Variants in EIPR1 observed in about 807,000 individuals in gnomAD.
The protein encoded by EIPR1 is EARP complex and GARP complex interacting protein 1.
A neutral mutation model predicts 48.1 loss-of-function variants in EIPR1; 25 were observed. The ratio of observed to expected loss-of-function variants is 0.52; its 90% CI spans 0.38 to 0.73. The LOEUF is 0.73. Among genes scored for constraint, EIPR1 ranks in the 30% least tolerant of loss-of-function variants. The probability of loss-of-function intolerance (pLI) is 0.00; values close to 1 mark genes in which losing one functional copy is unlikely to be tolerated. For missense variants in EIPR1, 415 were observed against 506.2 expected (o/e 0.82, Z 1.73); for synonymous variants, 204 against 201.9 (o/e 1.01, Z -0.09).
At chr2:3,309,044 A>T (rs1669041435) in intron 3 of EIPR1, among the ~76,000 whole-genome samples, 1 of 152,248 alleles carries the variant, frequency 6.6e-6, no homozygotes, top group South Asian at 2.1e-4. Context: ...GAACTTCTGA[A>T]AGAAAAGAAC....
intron 1 of EIPR1, among the ~76,000 whole-genome samples, chr2:3,358,787 C>CA (rs1670791630): frequency 6.6e-6 from 1 of 152,210 alleles, no homozygotes; most frequent in Admixed American, 6.5e-5. Flanking sequence ...GGCTGAGCCC[C>CA]AGGTCAGGAG....
intron 4 of EIPR1, among the ~76,000 whole-genome samples, chr2:3,247,056 G>GGAGGGAGA: frequency 3.6e-5 from 1 of 27,516 alleles, no homozygotes; most frequent in Non-Finnish European, 6.9e-5. Context: ...AGGGAGAGAG[G>GGAGGGAGA]GAGGGAGAGA....
chr2:3,375,402 A>G (rs1453589696), intron 1 of EIPR1, among the ~76,000 whole-genome samples: 1 of 152,056 alleles, frequency 6.6e-6, no homozygotes, highest in Non-Finnish European at 1.5e-5. Flanking sequence ...AAAAAAAGAG[A>G]GAAAAAAAAG....
intron 5 of EIPR1, among the ~76,000 whole-genome samples, chr2:3,199,287 C>T (rs747659492): frequency 6.6e-6 from 1 of 152,132 alleles, no homozygotes; most frequent in East Asian, 1.9e-4. Context: ...ATTGTTCAAA[C>T]ACACATGCTT....
intron 3 of EIPR1, among the ~76,000 whole-genome samples, chr2:3,274,633 G>A (rs57267237): frequency 6.6e-6 from 1 of 150,388 alleles, no homozygotes; most frequent in African/African-American, 2.4e-5. Flanking sequence ...TCTCAAATTC[G>A]AAGTTAAAAA....
At chr2:3,246,797 G>GAGGC (rs1467825552) in intron 4 of EIPR1, among the ~76,000 whole-genome samples, 1 of 85,734 alleles carries the variant, frequency 1.2e-5, no homozygotes, top group Non-Finnish European at 2.3e-5. Flanking sequence ...CGGAGGGAGG[G>GAGGC]AGGGAGGCAG....
At chr2:3,288,943 C>T (rs1192054826) in intron 3 of EIPR1, among the ~76,000 whole-genome samples, 1 of 152,228 alleles carries the variant, frequency 6.6e-6, no homozygotes, top group Admixed American at 6.5e-5. Flanking sequence ...GCCACAGGCC[C>T]CCAGCGGAGC....
At chr2:3,237,006 G>A (rs985707815) in intron 4 of EIPR1, among the ~76,000 whole-genome samples, 4 of 152,142 alleles carry the variant, frequency 2.6e-5, no homozygotes, top group Admixed American at 1.3e-4. Context: ...AAACAAAGCC[G>A]GGTGGCTGTG....
chr2:3,277,591 C>T (rs1263083128), intron 3 of EIPR1, among the ~76,000 whole-genome samples: 1 of 152,198 alleles, frequency 6.6e-6, no homozygotes, highest in Non-Finnish European at 1.5e-5. Context: ...GGAACTACTC[C>T]CCGGGGTGTT....
intron 3 of EIPR1, among the ~76,000 whole-genome samples, chr2:3,277,685 C>A (rs978532207): frequency 6.6e-6 from 1 of 152,214 alleles, no homozygotes. Context: ...GAGCCCGGGG[C>A]ATGAGTGGGG....
chr2:3,249,567 T>C (rs1474124293), intron 4 of EIPR1, among the ~76,000 whole-genome samples: 1 of 152,048 alleles, frequency 6.6e-6, no homozygotes, highest in Non-Finnish European at 1.5e-5. Flanking sequence ...GCAAAGAGGA[T>C]TTTCAGGGGA....
intron 3 of EIPR1, among the ~76,000 whole-genome samples, chr2:3,295,407 C>CA (rs1668530614): frequency 7.1e-6 from 1 of 140,782 alleles, no homozygotes; most frequent in Non-Finnish European, 1.5e-5. Flanking sequence ...TACACACACA[C>CA]CCTCCATCCA....
chr2:3,258,959 G>A (rs938681925), intron 3 of EIPR1, among the ~76,000 whole-genome samples: 4 of 151,880 alleles, frequency 2.6e-5, no homozygotes, highest in Non-Finnish European at 2.9e-5. Flanking sequence ...GAAATTTTCA[G>A]TTACACGATC....
intron 5 of EIPR1, chr2:3,208,488 C>T (rs1247757638): frequency 2.6e-6 from 4 of 1,520,094 alleles, no homozygotes; most frequent in Non-Finnish European, 3.5e-6. Context: ...TGGGAGGGGG[C>T]CCAATTATAT....
At chr2:3,231,866 G>A (rs770934880) in intron 4 of EIPR1, among the ~76,000 whole-genome samples, 46 of 152,304 alleles carry the variant, frequency 3.0e-4, no homozygotes, top group Admixed American at 9.2e-4. Context: ...GTTTGGAAGT[G>A]TTCCCTCTTC....
At chr2:3,336,697 G>T (rs915835683) in intron 3 of EIPR1, among the ~76,000 whole-genome samples, 11 of 151,816 alleles carry the variant, frequency 7.2e-5, no homozygotes, top group African/African-American at 2.7e-4. Flanking sequence ...GAACCTGGGA[G>T]GCAGAGGTTG....
intron 3 of EIPR1, among the ~76,000 whole-genome samples, chr2:3,269,752 C>T (rs1030018420): frequency 3.3e-5 from 5 of 152,218 alleles, no homozygotes; most frequent in Admixed American, 2.6e-4. Flanking sequence ...TCAGTCATTG[C>T]GTGGAAATCT....
At chr2:3,317,764 A>C (rs1669356626) in intron 3 of EIPR1, among the ~76,000 whole-genome samples, 2 of 152,198 alleles carry the variant, frequency 1.3e-5, no homozygotes, top group Admixed American at 1.3e-4. Context: ...CCCTATGAGA[A>C]GAGAAAGAGA....
At chr2:3,289,953 C>T (rs1397530721) in intron 3 of EIPR1, among the ~76,000 whole-genome samples, 3 of 152,258 alleles carry the variant, frequency 2.0e-5, no homozygotes, top group African/African-American at 4.8e-5. Context: ...CCAGCTGCCA[C>T]GGTCGCTCAC....
Sources: allele counts gnomAD v4.1 joint callset (sites outside exome capture counted in the v4.1 genomes callset), GRCh38; gene constraint gnomAD v4.1.1; transcripts MANE v1.5; gene names NCBI Gene and HGNC (gene_info 2026-07-23, HGNC 2026-07-21).